Variants in DRC11 observed in about 807,000 individuals in gnomAD.
The protein encoded by DRC11 is IQ and AAA domain-containing protein 1.
At chr2:236,330,749 T>A in the DRC11 span, among the ~76,000 whole-genome samples, 1 of 152,312 alleles carries the variant, frequency 6.6e-6, no homozygotes, top group South Asian at 2.1e-4. This position sits in a 1 kb window ranked among gnomAD's most constrained non-coding sequence, Gnocchi z 5.5. Context: ...GTATTTATTT[T>A]TGCTTAAAGG....
chr2:236,336,246 C>T, the DRC11 span, among the ~76,000 whole-genome samples: 1 of 152,158 alleles, frequency 6.6e-6, no homozygotes, highest in Non-Finnish European at 1.5e-5. The surrounding 1 kb of genome is among the most constrained non-coding windows in gnomAD (Gnocchi z 7.3). Context: ...CTGTTTATAG[C>T]ATGCAGGGAG....
the DRC11 span, among the ~76,000 whole-genome samples, chr2:236,369,271 CAG>C: frequency 6.6e-6 from 1 of 152,164 alleles, no homozygotes; most frequent in Non-Finnish European, 1.5e-5. This position sits in a 1 kb window ranked among gnomAD's most constrained non-coding sequence, Gnocchi z 4.5. Context: ...CTAAGAAAAT[CAG>C]AGTTAAAATT....
the DRC11 span, among the ~76,000 whole-genome samples, chr2:236,481,410 G>A: frequency 6.6e-6 from 1 of 152,122 alleles, no homozygotes; most frequent in African/African-American, 2.4e-5. Context: ...GAGGAGCACT[G>A]TGAATATAGA....
chr2:236,414,722 A>T, the DRC11 span, among the ~76,000 whole-genome samples: 1 of 152,192 alleles, frequency 6.6e-6, no homozygotes, highest in Non-Finnish European at 1.5e-5. Flanking sequence ...CTCAGTATGG[A>T]GGGGCTCCAG....
chr2:236,489,999 G>A, the DRC11 span, among the ~76,000 whole-genome samples: 1 of 152,102 alleles, frequency 6.6e-6, no homozygotes, highest in Non-Finnish European at 1.5e-5. Context: ...GGCCTCAGAG[G>A]GCAGCAATGG....
chr2:236,505,477 T>C, the DRC11 span, among the ~76,000 whole-genome samples: 2 of 152,108 alleles, frequency 1.3e-5, no homozygotes, highest in Admixed American at 1.3e-4. Flanking sequence ...AGGCTCCTGT[T>C]ACCCCCAGAG....
chr2:236,336,187 TC>T, the DRC11 span, among the ~76,000 whole-genome samples: 1 of 152,150 alleles, frequency 6.6e-6, no homozygotes, highest in African/African-American at 2.4e-5. This position sits in a 1 kb window ranked among gnomAD's most constrained non-coding sequence, Gnocchi z 7.3. Flanking sequence ...TCACAATTTA[TC>T]AAGACAGAAA....
At chr2:236,493,682 CTAAG>C in the DRC11 span, 8 of 1,086,802 alleles carry the variant, frequency 7.4e-6, no homozygotes, top group Non-Finnish European at 7.8e-6. Context: ...TGAAAATAAT[CTAAG>C]TGTTGCTCAC....
chr2:236,476,692 G>A, the DRC11 span, among the ~76,000 whole-genome samples: 6 of 152,204 alleles, frequency 3.9e-5, no homozygotes, highest in Admixed American at 3.9e-4. The surrounding 1 kb of genome is among the most constrained non-coding windows in gnomAD (Gnocchi z 4.7). Context: ...TCCCTGGGAT[G>A]AATCCCACTA....
chr2:236,325,948 G>C, the DRC11 span, among the ~76,000 whole-genome samples: 1 of 152,210 alleles, frequency 6.6e-6, no homozygotes, highest in Non-Finnish European at 1.5e-5. This position sits in a 1 kb window ranked among gnomAD's most constrained non-coding sequence, Gnocchi z 4.4. Context: ...TTGTATGCCA[G>C]TTTAGCTGGA....
chr2:236,488,511 A>C, the DRC11 span, among the ~76,000 whole-genome samples: 32 of 152,226 alleles, frequency 2.1e-4, no homozygotes, highest in Non-Finnish European at 4.0e-4. Context: ...TGATTCAGTA[A>C]AACTTGAAAT....
chr2:236,459,310 A>C, the DRC11 span, among the ~76,000 whole-genome samples: 1 of 151,954 alleles, frequency 6.6e-6, no homozygotes. Context: ...TCAATTTGGT[A>C]AAATATTTAA....
the DRC11 span, chr2:236,344,743 C>A: frequency 1.2e-5 from 10 of 821,950 alleles, no homozygotes; most frequent in Non-Finnish European, 1.8e-5. Flanking sequence ...TGTGCAGAGC[C>A]CTGGTTGTAA....
chr2:236,371,260 A>C, the DRC11 span, among the ~76,000 whole-genome samples: 1 of 152,150 alleles, frequency 6.6e-6, no homozygotes, highest in Admixed American at 6.5e-5. This position sits in a 1 kb window ranked among gnomAD's most constrained non-coding sequence, Gnocchi z 5.1. Flanking sequence ...GAGCAACGGA[A>C]TAGGCAACAG....
At chr2:236,364,620 T>C in the DRC11 span, among the ~76,000 whole-genome samples, 2 of 152,252 alleles carry the variant, frequency 1.3e-5, no homozygotes, top group East Asian at 3.9e-4. Flanking sequence ...ACACTGTCAA[T>C]TTCCTTAGTG....
At chr2:236,316,995 G>GA in the DRC11 span, among the ~76,000 whole-genome samples, 3 of 151,456 alleles carry the variant, frequency 2.0e-5, no homozygotes, top group African/African-American at 7.4e-5. The surrounding 1 kb of genome is among the most constrained non-coding windows in gnomAD (Gnocchi z 6.8). Context: ...GCAAACTGAA[G>GA]AAAAAATCAT....
the DRC11 span, chr2:236,497,616 T>C: frequency 1.5e-6 from 1 of 653,370 alleles, no homozygotes; most frequent in South Asian, 2.0e-5. The surrounding 1 kb of genome is among the most constrained non-coding windows in gnomAD (Gnocchi z 5.1). Context: ...AGTTATATAG[T>C]TGCAAGGCTT....
At chr2:236,452,962 C>A in the DRC11 span, among the ~76,000 whole-genome samples, 1 of 152,174 alleles carries the variant, frequency 6.6e-6, no homozygotes, top group African/African-American at 2.4e-5. The surrounding 1 kb of genome is among the most constrained non-coding windows in gnomAD (Gnocchi z 4.7). Flanking sequence ...CACCTTTCTT[C>A]AATATTTACT....
chr2:236,411,868 G>A, the DRC11 span, among the ~76,000 whole-genome samples: 1 of 141,142 alleles, frequency 7.1e-6, no homozygotes, highest in Non-Finnish European at 1.5e-5. Context: ...GACAGAGGAA[G>A]GGGAACATCA....
Sources: allele counts gnomAD v4.1 joint callset (sites outside exome capture counted in the v4.1 genomes callset), GRCh38; gene constraint gnomAD v4.1.1; non-coding constraint Gnocchi (gnomAD v3.1); transcripts MANE v1.5; gene names NCBI Gene and HGNC (gene_info 2026-07-23, HGNC 2026-07-21).